The following CACUL1 variants were observed in gnomAD, a reference collection of about 807,000 sequenced individuals.
CACUL1 encodes CDK2 associated cullin domain 1, also known as CDK2-associated and cullin domain-containing protein 1.
In CACUL1, 13 loss-of-function variants were observed where a neutral mutation model predicts 45.2. That is an observed-to-expected ratio of 0.29 (90% CI 0.19 to 0.46). CACUL1 has a LOEUF of 0.46. Ranked by LOEUF, CACUL1 falls within the 20% of genes least tolerant of loss-of-function variation. The pLI is 1.00. For missense variants in CACUL1, 421 were observed against 471.4 expected (o/e 0.89, Z 0.99); for synonymous variants, 197 against 174.2 (o/e 1.13, Z -1.03).
intron 1 of CACUL1, among the ~76,000 whole-genome samples, chr10:118,734,480 A>G (rs1845723399): frequency 6.6e-6 from 1 of 152,246 alleles, no homozygotes; most frequent in Non-Finnish European, 1.5e-5. Context: ...AGTTACCATT[A>G]AATTACTAAA....
intron 3 of CACUL1, among the ~76,000 whole-genome samples, chr10:118,723,814 C>T (rs1034947114): frequency 2.6e-5 from 4 of 152,076 alleles, no homozygotes; most frequent in African/African-American, 7.2e-5. Flanking sequence ...CTCGCTCTGT[C>T]GCTCAGGCTG....
chr10:118,711,531 C>T (rs953214466), intron 3 of CACUL1, among the ~76,000 whole-genome samples: 6 of 151,976 alleles, frequency 3.9e-5, no homozygotes, highest in African/African-American at 9.7e-5. Context: ...AATGGTATTT[C>T]GGCATTCAAA....
intron 6 of CACUL1, among the ~76,000 whole-genome samples, chr10:118,694,752 T>G (rs1194933400): frequency 6.6e-6 from 1 of 152,196 alleles, no homozygotes; most frequent in African/African-American, 2.4e-5. Flanking sequence ...TTACCAACAC[T>G]TCTAGATTCT....
intron 1 of CACUL1, among the ~76,000 whole-genome samples, chr10:118,749,925 G>C (rs762880876): frequency 6.6e-6 from 1 of 152,196 alleles, no homozygotes; most frequent in Non-Finnish European, 1.5e-5. Context: ...TATCAACATA[G>C]GAAGGGCTAG....
chr10:118,717,327 A>G lies in CACUL1; in HGVS notation c.598-9740T>C, dbSNP rs192671162. Among the ~76,000 whole-genome samples, 332 of 152,348 alleles carry G rather than the reference A, an allele frequency of 2.2e-3. 1 individual carries two copies. Among genetic ancestry groups the G allele is most frequent in the African/African-American group, 7.6e-3 (318 of 41,582 alleles). On this transcript the variant is annotated intron_variant, in intron 3 of 8. Transcript: ENST00000369151. The stretch of plus-strand genomic sequence containing the variant: ...AAATCAGTAAAAATATGATGCACTA[A>G]CATTTTAACATTAACATAGGTGAAT...
At chr10:118,751,146 TAGTA>T (rs1371783921) in intron 1 of CACUL1, among the ~76,000 whole-genome samples, 3 of 152,212 alleles carry the variant, frequency 2.0e-5, no homozygotes, top group African/African-American at 7.2e-5. Flanking sequence ...TGTTGATGTA[TAGTA>T]AGTAGTCCCT....
chr10:118,697,830 A>G (rs745655481), intron 5 of CACUL1, among the ~76,000 whole-genome samples: 1 of 152,216 alleles, frequency 6.6e-6, no homozygotes, highest in Non-Finnish European at 1.5e-5. Context: ...CATGCTACAC[A>G]TTTGTTACAT....
At chr10:118,708,147 C>CAAAAAA (rs34008762) in intron 3 of CACUL1, among the ~76,000 whole-genome samples, 1 of 104,022 alleles carries the variant, frequency 9.6e-6, no homozygotes, top group East Asian at 2.9e-4. Context: ...AACACTGTCT[C>CAAAAAA]AAAAAAAAAA....
At position 118,681,972 on chromosome 10, in the gene CACUL1, G is replaced by C. The variant is rs1239553680; in HGVS notation, c.*4156C>G. The C allele has an allele frequency of 4.6e-5, 7 of 152,166 alleles. No homozygotes were observed. Among genetic ancestry groups the C allele is most frequent in the Non-Finnish European group, 7.3e-5 (5 of 68,040 alleles). The allele number at this position is 152,166 out of a possible 1,614,324, so 9.4% of individuals were successfully genotyped here. A position where few individuals can be genotyped will look rare whatever the true frequency, so the allele number is the denominator to read the frequency against. On this transcript the variant is annotated 3_prime_UTR_variant, in exon 9 of 9. Coordinates refer to ENST00000369151, the MANE Select transcript of CACUL1 (RefSeq NM_153810.5). ...AAGAAACAGGAGAGCCATTTCTCCAGGAACTCCTATGACCTCCATTTTAAC... is the reference window on the plus strand; with the variant it reads ...AAGAAACAGGAGAGCCATTTCTCCACGAACTCCTATGACCTCCATTTTAAC...
chr10:118,686,147 C>G lies in CACUL1; in HGVS notation c.1091G>C (p.Ser364Thr). Residue 364 changes from serine (S) to threonine (T), a missense_variant, in exon 9 of 9, where the codon AGT becomes ACT. By Grantham distance (58) the Ser-to-Thr change is moderately conservative. Coordinates refer to ENST00000369151, the MANE Select transcript of CACUL1 (RefSeq NM_153810.5). The part of the protein sequence containing the change: ...LAYNSSSACA[S>T]SRGYR ...CATTCACTATCTGTACCCCCTGGAA[C>G]TTGCACATGCTGACGAGCTATCTGA... 2 of 1,613,118 alleles carry G rather than the reference C, an allele frequency of 1.2e-6. No homozygotes were observed. The highest frequency in any genetic ancestry group is 1.7e-6 in the Non-Finnish European group (2 of 1,179,140).
intron 3 of CACUL1, among the ~76,000 whole-genome samples, chr10:118,719,990 T>C (rs1845585767): frequency 6.6e-6 from 1 of 152,200 alleles, no homozygotes; most frequent in Non-Finnish European, 1.5e-5. Context: ...ACACTTCTCA[T>C]ATAAACTGTA....
intron 6 of CACUL1, 168 bp downstream of exon 6, chr10:118,694,973 C>G (rs1205288291): frequency 4.0e-6 from 2 of 502,874 alleles, no homozygotes; most frequent in Non-Finnish European, 7.4e-6. Context: ...GAGAACATTC[C>G]AACTGAGCTC....
chr10:118,726,433 G>A lies in CACUL1; in HGVS notation c.597+2862C>T, dbSNP rs1017486799. 1.5e-5 allele frequency: 10 copies of A among 684,216 alleles called. No homozygotes were observed. The African/African-American group carries it at 1.5e-4, about 10-fold the overall frequency. 42.4% of individuals were successfully genotyped at this position (684,216 alleles called of 1,614,324 possible). On this transcript the variant is annotated intron_variant, in intron 3 of 8. Coordinates refer to ENST00000369151, the MANE Select transcript of CACUL1 (RefSeq NM_153810.5). ...TAAGGATAAAAAGACAAACACGATA[G>A]AGTCCCTCCCCCTCAAGGAAGGGCC...
chr10:118,719,194 T>C (rs1845577840), intron 3 of CACUL1, among the ~76,000 whole-genome samples: 1 of 152,218 alleles, frequency 6.6e-6, no homozygotes, highest in South Asian at 2.1e-4. Flanking sequence ...TGTTAAAAAT[T>C]CTCAAATAGT....
chr10:118,753,080 T>C (rs919969619), intron 1 of CACUL1, among the ~76,000 whole-genome samples: 1 of 152,238 alleles, frequency 6.6e-6, no homozygotes, highest in African/African-American at 2.4e-5. Flanking sequence ...TTTGAACTCT[T>C]CAAAGGAACT....
intron 3 of CACUL1, among the ~76,000 whole-genome samples, chr10:118,721,955 G>A (rs1208458936): frequency 1.3e-5 from 2 of 152,090 alleles, no homozygotes; most frequent in African/African-American, 4.8e-5. Flanking sequence ...TGTCATTTAA[G>A]ACAGTTTTAA....
intron 3 of CACUL1, among the ~76,000 whole-genome samples, chr10:118,709,799 AG>A (rs1182827521): frequency 6.6e-6 from 1 of 152,352 alleles, no homozygotes; most frequent in East Asian, 1.9e-4. Context: ...TCTACTTAGA[AG>A]CTTATATATA....
chr10:118,724,462 A>C (rs561405877), intron 3 of CACUL1, among the ~76,000 whole-genome samples: 6 of 152,316 alleles, frequency 3.9e-5, no homozygotes, highest in African/African-American at 1.4e-4. Flanking sequence ...CAGTAGAGTC[A>C]TAGTTAAATA....
intron 3 of CACUL1, among the ~76,000 whole-genome samples, chr10:118,714,091 C>T (rs2119606150): frequency 6.6e-6 from 1 of 152,280 alleles, no homozygotes; most frequent in Middle Eastern, 3.4e-3. Flanking sequence ...ACTGTTTTTA[C>T]ATTTTTGCAA....
Sources: gnomAD v4.1 joint callset for allele counts (sites outside exome capture counted in the v4.1 genomes callset) on GRCh38, gnomAD v4.1.1 for gene constraint, MANE v1.5 for transcripts, NCBI Gene and HGNC (gene_info 2026-07-23, HGNC 2026-07-21) for gene names.